Variants in COPS7A observed in about 807,000 individuals in gnomAD.
COPS7A encodes COP9 signalosome subunit 7A.
Under a neutral mutation model 35.2 loss-of-function variants are expected in COPS7A, and 20 were observed. The ratio of observed to expected loss-of-function variants is 0.57; its 90% CI spans 0.40 to 0.83. The LOEUF (loss-of-function observed/expected upper bound fraction) is 0.83. Among genes scored for constraint, COPS7A ranks in the 40% least tolerant of loss-of-function variants. The probability of loss-of-function intolerance (pLI) is 0.00; values close to 1 mark genes in which losing one functional copy is unlikely to be tolerated. For missense variants in COPS7A, 247 were observed against 347.5 expected (o/e 0.71, Z 2.30); for synonymous variants, 139 against 141.4 (o/e 0.98, Z 0.12).
chr12:6,728,042 A>G, intron 3 of COPS7A, 41 bp downstream of exon 3: 1 of 1,595,938 alleles, frequency 6.3e-7, no homozygotes, highest in South Asian at 1.1e-5. Context: ...TGGAGATGGG[A>G]GAAGGGCAAT....
At chr12:6,725,573 T>G (rs543698383) in intron 2 of COPS7A, 33 of 454,226 alleles carry the variant, frequency 7.3e-5, no homozygotes, top group African/African-American at 6.2e-4. Flanking sequence ...TAAATTAGCA[T>G]GCCCTTTTCT....
intron 2 of COPS7A, among the ~76,000 whole-genome samples, chr12:6,726,185 G>T (rs577090954): frequency 2.0e-5 from 3 of 152,124 alleles, no homozygotes; most frequent in Admixed American, 2.0e-4. Flanking sequence ...GTGGTGGCGG[G>T]CGCCTGTAGT....
At chr12:6,724,261 A>T (rs150761374) in intron 1 of COPS7A, 82 bp downstream of exon 1, 2 of 358,844 alleles carry the variant, frequency 5.6e-6, no homozygotes, top group African/African-American at 4.3e-5. Flanking sequence ...GTAAGCTTCA[A>T]TGGGGGTGAG....
chr12:6,727,075 G>T (rs1423572572), intron 2 of COPS7A, among the ~76,000 whole-genome samples: 1 of 152,266 alleles, frequency 6.6e-6, no homozygotes, highest in South Asian at 2.1e-4. Context: ...AGTGGCTCAC[G>T]CCTATAATCC....
At chr12:6,725,491 C>T (rs1212129031) in intron 2 of COPS7A, among the ~76,000 whole-genome samples, 3 of 151,998 alleles carry the variant, frequency 2.0e-5, no homozygotes, top group African/African-American at 7.2e-5. Context: ...CAATACTGCC[C>T]CTCTCTGTTG....
chr12:6,727,662 T>C, intron 2 of COPS7A: 1 of 606,648 alleles, frequency 1.6e-6, no homozygotes. Flanking sequence ...TCTTCAACTC[T>C]GAATTTAGGG....
chr12:6,730,476 A>G lies in COPS7A; in HGVS notation c.605A>G (p.Gln202Arg). The G allele has an allele frequency of 6.2e-7, 1 of 1,614,176 alleles. No homozygotes were observed. Among genetic ancestry groups the G allele is most frequent in the South Asian group, 1.1e-5 (1 of 91,082 alleles). ...VSRANQHKEQ[Q>R]LGLKQQIESE... ...CGTGCCAACCAACACAAGGAGCAGC[A>G]GCTGGGCCTGAAGCAGCAGATTGAG... Residue 202 changes from glutamine to arginine, a missense_variant, in exon 6 of 8, where the codon CAG becomes CGG. Gln to Arg is a conservative substitution (Grantham distance 43). Coordinates refer to ENST00000543155, the MANE Select transcript of COPS7A (RefSeq NM_001164094.2).
At chr12:6,730,260 G>A (rs1435611142) in intron 5 of COPS7A, 142 bp from the exon 6 acceptor site, 4 of 690,656 alleles carry the variant, frequency 5.8e-6, no homozygotes, top group South Asian at 5.1e-5. Flanking sequence ...TAAGCAATTC[G>A]CCCATCTTGG....
chr12:6,726,614 T>A (rs111595981), intron 2 of COPS7A, among the ~76,000 whole-genome samples: 3,898 of 97,388 alleles, frequency 0.04, 53 homozygotes, highest in Non-Finnish European at 0.053. Flanking sequence ...AAAAAAAAAA[T>A]AAATAAATAA....
chr12:6,729,144 GAGGGCAGGTGGGCT>G lies in COPS7A; in HGVS notation c.328-94_328-81del. ...AGGAAGTGATTTAGGAATGGGAGTG[GAGGGCAGGTGGGCT>G]AGGGCAGGGGGAAAAGGAGGGAAGA... On this transcript the variant is annotated intron_variant, in intron 4 of 7. Coordinates refer to ENST00000543155, the MANE Select transcript of COPS7A (RefSeq NM_001164094.2). The surrounding 1 kb of genome is among the most constrained non-coding windows in gnomAD (Gnocchi z 4.2). 2.7e-6 allele frequency: 3 copies of G among 1,111,546 alleles called. No homozygotes were observed. The highest frequency in any genetic ancestry group is 1.5e-5 in the African/African-American group (1 of 65,248). 68.9% of individuals were successfully genotyped at this position (1,111,546 alleles called of 1,614,324 possible). A position where few individuals can be genotyped will look rare whatever the true frequency, so the allele number is the denominator to read the frequency against.
rs1287315023 is a variant in COPS7A at position 6,731,443 on chromosome 12, C to T, written c.*404C>T. 2 of 664,156 alleles carry T rather than the reference C, an allele frequency of 3.0e-6. No individual in the cohort carries two copies. Among genetic ancestry groups the T allele is most frequent in the Non-Finnish European group, 4.3e-6 (2 of 468,630 alleles). 41.1% of individuals were successfully genotyped at this position (664,156 alleles called of 1,614,324 possible). ...CATGCCTGATCCCCAGTTCCTATAC[C>T]CTACCCCTGACCTATTGAGCAGCCT... On this transcript the variant is annotated 3_prime_UTR_variant, in exon 8 of 8. Transcript: ENST00000543155.
chr12:6,725,273 C>G (rs986635976), intron 2 of COPS7A, among the ~76,000 whole-genome samples: 1 of 151,854 alleles, frequency 6.6e-6, no homozygotes, highest in African/African-American at 2.4e-5. Flanking sequence ...TCTCCTGCCT[C>G]AGCCTCCTCA....
chr12:6,731,146 T>C lies in COPS7A; in HGVS notation c.*107T>C. Reference sequence around the variant, plus strand: ...CCCCTGGCCAGCTGATAATCCTAGGTTCATGACCCTTCACCTCCCCTAACC... The same window carrying C: ...CCCCTGGCCAGCTGATAATCCTAGGCTCATGACCCTTCACCTCCCCTAACC... On this transcript the variant is annotated 3_prime_UTR_variant, in exon 8 of 8. Coordinates refer to ENST00000543155, the MANE Select transcript of COPS7A (RefSeq NM_001164094.2). 1 of 1,602,514 alleles carries C rather than the reference T, an allele frequency of 6.2e-7. No homozygotes were observed. The highest frequency in any genetic ancestry group is 8.5e-7 in the Non-Finnish European group (1 of 1,174,100).
intron 2 of COPS7A, chr12:6,726,028 A>C: frequency 2.5e-6 from 1 of 407,844 alleles, no homozygotes; most frequent in Non-Finnish European, 5.0e-6. Context: ...TAAAAATACA[A>C]ACAGGGCTGG....
In COPS7A at chr12:6,730,791, G is replaced by A; in HGVS notation, c.759G>A (p.Gln253=). The A allele has an allele frequency of 6.2e-7, 1 of 1,614,220 alleles. No homozygotes were observed. The highest frequency in any genetic ancestry group is 2.2e-5 in the East Asian group (1 of 44,882). ...CAGCTCCTGGCACCAACCAGCGCCAGCCCAGCAAGAAAGCCTCAAAGGGCA... is the reference window on the plus strand; with the variant it reads ...CAGCTCCTGGCACCAACCAGCGCCAACCCAGCAAGAAAGCCTCAAAGGGCA... The part of the protein sequence containing the change: ...REPAPGTNQR[Q]PSKKASKGKG... Residue 253 remains glutamine, a synonymous_variant, in exon 7 of 8, where the codon CAG becomes CAA. Coordinates refer to ENST00000543155, the MANE Select transcript of COPS7A (RefSeq NM_001164094.2).
At chr12:6,725,690 T>C in intron 2 of COPS7A, 1 of 456,138 alleles carries the variant, frequency 2.2e-6, no homozygotes, top group Non-Finnish European at 4.4e-6. Context: ...AGAGAACCGT[T>C]CACACAAAAG....
At chr12:6,727,294 G>A (rs1049126353) in intron 2 of COPS7A, among the ~76,000 whole-genome samples, 5 of 138,172 alleles carry the variant, frequency 3.6e-5, no homozygotes, top group African/African-American at 5.5e-5. Flanking sequence ...CCAAGATCGC[G>A]CCACTGCACT....
In COPS7A at chr12:6,730,750, A is replaced by G; in HGVS notation, c.718A>G (p.Thr240Ala). Residue 240 changes from threonine to alanine, a missense_variant, in exon 7 of 8, where the codon ACT becomes GCT. Transcript: ENST00000543155. ...ATCTCAGGACCCTGAGCAACACCTG[A>G]CTGAGCTGAGGGAACCAGCTCCTGG... ...ATSQDPEQHL[T>A]ELREPAPGTN... 6.2e-7 allele frequency: 1 copy of G among 1,614,184 alleles called. No individual in the cohort carries two copies. Among genetic ancestry groups the G allele is most frequent in the Non-Finnish European group, 8.5e-7 (1 of 1,180,030 alleles).
At chr12:6,730,860 C>T (rs759648205) in intron 7 of COPS7A, 40 bp downstream of exon 7, 3 of 1,609,736 alleles carry the variant, frequency 1.9e-6, no homozygotes, top group Non-Finnish European at 2.5e-6. Context: ...TGCAGGGTGC[C>T]CTGCTTTTAC....
Sources: gnomAD v4.1 joint callset for allele counts (sites outside exome capture counted in the v4.1 genomes callset) on GRCh38, gnomAD v4.1.1 for gene constraint, Gnocchi (gnomAD v3.1) non-coding constraint, MANE v1.5 for transcripts, NCBI Gene and HGNC (gene_info 2026-07-23, HGNC 2026-07-21) for gene names.